The following TMTC2 variants were observed in gnomAD, a reference collection of about 807,000 sequenced individuals.
TMTC2 encodes the protein transmembrane O-mannosyltransferase targeting cadherins 2, also known as protein O-mannosyl-transferase TMTC2.
Under a neutral mutation model 82.4 loss-of-function variants are expected in TMTC2, and 43 were observed. The ratio of observed to expected loss-of-function variants is 0.52; its 90% confidence interval spans 0.41 to 0.67. The LOEUF is 0.67. Among genes scored for constraint, TMTC2 ranks in the 30% least tolerant of loss-of-function variants. The probability of loss-of-function intolerance (pLI) is 0.00; values close to 1 mark genes in which losing one functional copy is unlikely to be tolerated. For missense variants in TMTC2, 919 were observed against 1,012.4 expected, an observed-to-expected ratio of 0.91 and a Z score of 1.25; for synonymous variants, 408 against 381.9, an observed-to-expected ratio of 1.07 and a Z score of -0.80.
At chr12:82,689,052 C>T (rs1460772315) in intron 1 of TMTC2, among the ~76,000 whole-genome samples, 3 of 152,198 alleles carry the variant, frequency 2.0e-5, no homozygotes, top group Non-Finnish European at 4.4e-5. Context: ...TTAACTTTTA[C>T]GCAGCATACT....
intron 1 of TMTC2, among the ~76,000 whole-genome samples, chr12:82,743,209 G>A (rs1194156215): frequency 4.6e-5 from 7 of 152,126 alleles, no homozygotes; most frequent in Admixed American, 3.3e-4. Context: ...TTGGGAGGCC[G>A]AGGTGGGTGG....
At chr12:82,787,644 C>T (rs1878244071) in intron 1 of TMTC2, among the ~76,000 whole-genome samples, 1 of 152,146 alleles carries the variant, frequency 6.6e-6, no homozygotes. Flanking sequence ...CGCAGTTGCT[C>T]ACTCCTGTAA....
intron 3 of TMTC2, among the ~76,000 whole-genome samples, chr12:82,910,418 G>T (rs184107782): frequency 1.3e-5 from 2 of 152,284 alleles, no homozygotes; most frequent in South Asian, 2.1e-4. Flanking sequence ...CAGTGCCTAG[G>T]GGGTGAATGT....
chr12:83,080,461 G>T (rs958060202), intron 11 of TMTC2, among the ~76,000 whole-genome samples: 2 of 151,736 alleles, frequency 1.3e-5, no homozygotes, highest in African/African-American at 4.8e-5. Flanking sequence ...GATAATGTTG[G>T]ATACCATAAA....
At chr12:83,061,408 A>G (rs1044422264) in intron 10 of TMTC2, among the ~76,000 whole-genome samples, 1 of 151,758 alleles carries the variant, frequency 6.6e-6, no homozygotes, top group Non-Finnish European at 1.5e-5. Context: ...ACTAATTTTG[A>G]CAATTTATTT....
intron 1 of TMTC2, among the ~76,000 whole-genome samples, chr12:82,791,187 T>A (rs1013845701): frequency 6.6e-6 from 1 of 152,164 alleles, no homozygotes; most frequent in African/African-American, 2.4e-5. Flanking sequence ...ATTCCAATTC[T>A]TGAGCTTTTT....
intron 11 of TMTC2, among the ~76,000 whole-genome samples, chr12:83,072,223 C>G (rs1165600961): frequency 6.6e-6 from 1 of 152,080 alleles, no homozygotes; most frequent in African/African-American, 2.4e-5. Flanking sequence ...TCGTTCAGTT[C>G]AAAGAATTTT....
intron 1 of TMTC2, among the ~76,000 whole-genome samples, chr12:82,789,497 G>T (rs1392723110): frequency 1.3e-5 from 2 of 152,054 alleles, no homozygotes; most frequent in Non-Finnish European, 2.9e-5. Flanking sequence ...ATTAGAGTTT[G>T]TCCTTTCATC....
intron 11 of TMTC2, among the ~76,000 whole-genome samples, chr12:83,096,723 G>C (rs1884041270): frequency 6.6e-6 from 1 of 152,104 alleles, no homozygotes; most frequent in African/African-American, 2.4e-5. Context: ...AGGGAATTAT[G>C]GGAGCTAAAA....
intron 11 of TMTC2, among the ~76,000 whole-genome samples, chr12:83,095,241 T>G (rs1027482303): frequency 3.7e-4 from 49 of 133,070 alleles, no homozygotes; most frequent in East Asian, 9.7e-4. Context: ...TTTTTTTTTT[T>G]GTTTTTTTTG....
intron 9 of TMTC2, among the ~76,000 whole-genome samples, chr12:83,046,214 TA>T (rs1231430988): frequency 6.6e-6 from 1 of 152,186 alleles, no homozygotes; most frequent in Non-Finnish European, 1.5e-5. Flanking sequence ...TGCAAATGAT[TA>T]CCAGAAGAGC....
intron 11 of TMTC2, among the ~76,000 whole-genome samples, chr12:83,085,481 G>A (rs1236172673): frequency 6.6e-6 from 1 of 152,126 alleles, no homozygotes. Context: ...TTATAAAATG[G>A]GGAAATAGTG....
intron 1 of TMTC2, among the ~76,000 whole-genome samples, chr12:82,774,960 AT>A (rs1341864723): frequency 6.6e-6 from 1 of 152,072 alleles, no homozygotes; most frequent in Non-Finnish European, 1.5e-5. Flanking sequence ...TTCTAAAGGA[AT>A]AAGAGGAAAA....
intron 8 of TMTC2, among the ~76,000 whole-genome samples, chr12:82,994,995 T>C (rs1446957772): frequency 6.6e-6 from 1 of 151,570 alleles, no homozygotes; most frequent in East Asian, 2.0e-4. Flanking sequence ...TCTATGATAC[T>C]TGACTTCATA....
At chr12:82,784,913 G>T (rs954552835) in intron 1 of TMTC2, among the ~76,000 whole-genome samples, 1 of 151,894 alleles carries the variant, frequency 6.6e-6, no homozygotes, top group South Asian at 2.1e-4. Context: ...TGTTTGTTTG[G>T]TTTTGGTTCC....
At chr12:82,844,984 T>C (rs1592568600) in intron 1 of TMTC2, among the ~76,000 whole-genome samples, 1 of 151,514 alleles carries the variant, frequency 6.6e-6, no homozygotes, top group East Asian at 2.0e-4. Context: ...TCCCAGCACT[T>C]TGGGAGGCCG....
intron 11 of TMTC2, among the ~76,000 whole-genome samples, chr12:83,087,765 G>A (rs1177384886): frequency 1.3e-5 from 2 of 152,068 alleles, no homozygotes; most frequent in African/African-American, 2.4e-5. Context: ...GTAAACAGAT[G>A]TGCTGTCACC....
intron 1 of TMTC2, among the ~76,000 whole-genome samples, chr12:82,740,587 G>C (rs144674723): frequency 4.4e-4 from 67 of 152,238 alleles, no homozygotes; most frequent in African/African-American, 1.6e-3. Flanking sequence ...GGTGTGTCTC[G>C]AATTCATTAG....
intron 4 of TMTC2, among the ~76,000 whole-genome samples, chr12:82,956,377 T>C (rs1001422394): frequency 2.0e-5 from 3 of 151,890 alleles, no homozygotes; most frequent in South Asian, 2.1e-4. Context: ...TAGTAAAGGG[T>C]TGGAGAAAGA....
Sources: gnomAD v4.1 joint callset for allele counts (sites outside exome capture counted in the v4.1 genomes callset) on GRCh38, gnomAD v4.1.1 for gene constraint, MANE v1.5 for transcripts, NCBI Gene and HGNC (gene_info 2026-07-23, HGNC 2026-07-21) for gene names.